The following CGGBP1 variants were observed in gnomAD, a reference collection of about 807,000 sequenced individuals.
CGGBP1 encodes CGG triplet repeat binding protein 1.
Under a neutral mutation model 11.4 loss-of-function variants are expected in CGGBP1, and 4 were observed. That is an observed-to-expected ratio of 0.35 (90% confidence interval 0.17 to 0.80). The LOEUF (loss-of-function observed/expected upper bound fraction) is 0.80. Ranked by LOEUF, CGGBP1 falls within the 30% of genes least tolerant of loss-of-function variation. The probability of loss-of-function intolerance (pLI) is 0.52; values close to 1 mark genes in which losing one functional copy is unlikely to be tolerated. For synonymous variants in CGGBP1, 76 were observed against 74.1 expected (o/e 1.03, Z -0.13); for missense variants, 135 against 202.1 (o/e 0.67, Z 2.01).
At chr3:88,114,195 T>A (rs1351985848) in intron 2 of CGGBP1, among the ~76,000 whole-genome samples, 1 of 151,982 alleles carries the variant, frequency 6.6e-6, no homozygotes, top group African/African-American at 2.4e-5. Context: ...AAATGAAAAA[T>A]TGACAGATTC....
At chr3:88,128,945 A>C in intron 2 of CGGBP1, 1 of 1,535,516 alleles carries the variant, frequency 6.5e-7, no homozygotes, top group Non-Finnish European at 8.7e-7. Flanking sequence ...GTAAAGACTT[A>C]TACTTCCATC....
chr3:88,063,355 T>G (rs1275287011), upstream of CGGBP1, among the ~76,000 whole-genome samples: 7 of 152,160 alleles, frequency 4.6e-5, no homozygotes, highest in Non-Finnish European at 1.0e-4. Context: ...TCAAATAGTT[T>G]TTAAGTAACG....
At chr3:88,124,400 C>T (rs890513825) in intron 2 of CGGBP1, among the ~76,000 whole-genome samples, 1 of 152,186 alleles carries the variant, frequency 6.6e-6, no homozygotes, top group Admixed American at 6.5e-5. Context: ...TAATGTTTGA[C>T]TATAAGTGAT....
intron 2 of CGGBP1, among the ~76,000 whole-genome samples, chr3:88,138,389 A>G (rs1177946018): frequency 3.3e-5 from 5 of 152,140 alleles, no homozygotes; most frequent in African/African-American, 7.2e-5. Flanking sequence ...GGGGGTCTAG[A>G]AGAAATCTTA....
At chr3:88,089,755 A>G (rs1436054699) in intron 2 of CGGBP1, among the ~76,000 whole-genome samples, 2 of 152,098 alleles carry the variant, frequency 1.3e-5, no homozygotes, top group Non-Finnish European at 2.9e-5. Context: ...CTTGAGAAGA[A>G]CTCTGGTCAG....
At chr3:88,061,095 C>T (rs1298490932), upstream of CGGBP1, among the ~76,000 whole-genome samples, 1 of 152,074 alleles carries the variant, frequency 6.6e-6, no homozygotes, top group Non-Finnish European at 1.5e-5. Context: ...TTTCAGAGCA[C>T]TTGTTTTGTA....
At chr3:88,080,418 T>C (rs1349431917) in intron 2 of CGGBP1, among the ~76,000 whole-genome samples, 1 of 152,168 alleles carries the variant, frequency 6.6e-6, no homozygotes, top group African/African-American at 2.4e-5. Context: ...TAGCTCTTGT[T>C]TGTTACATGC....
At chr3:88,136,901 A>G (rs1200737643) in intron 2 of CGGBP1, among the ~76,000 whole-genome samples, 1 of 152,228 alleles carries the variant, frequency 6.6e-6, no homozygotes, top group Non-Finnish European at 1.5e-5. Context: ...ATGAGCCAAG[A>G]TAGAGGATGT....
intron 2 of CGGBP1, among the ~76,000 whole-genome samples, chr3:88,077,255 T>TA (rs146382150): frequency 0.013 from 2,015 of 152,226 alleles, 37 homozygotes; most frequent in African/African-American, 0.045. Context: ...CTCACCAATA[T>TA]AGGCAGTGTG....
intron 2 of CGGBP1, among the ~76,000 whole-genome samples, chr3:88,069,926 T>C (rs975392182): frequency 5.3e-5 from 8 of 152,260 alleles, no homozygotes; most frequent in African/African-American, 1.9e-4. Context: ...TAACCTTGAA[T>C]ATCTGGAAAT....
intron 2 of CGGBP1, chr3:88,129,611 A>G: frequency 8.8e-7 from 1 of 1,130,326 alleles, no homozygotes; most frequent in Non-Finnish European, 1.2e-6. Flanking sequence ...TTTCTCTTGA[A>G]TGTTTAAACA....
At chr3:88,099,209 C>G (rs1184663922) in intron 2 of CGGBP1, among the ~76,000 whole-genome samples, 1 of 152,170 alleles carries the variant, frequency 6.6e-6, no homozygotes, top group African/African-American at 2.4e-5. Flanking sequence ...AGAGCCAAAT[C>G]ATGAGTGAAC....
chr3:88,072,042 T>C (rs933468465), intron 2 of CGGBP1, among the ~76,000 whole-genome samples: 2 of 152,280 alleles, frequency 1.3e-5, no homozygotes, highest in Middle Eastern at 6.8e-3. Flanking sequence ...AATCTACATA[T>C]ATAAAGTACA....
At chr3:88,139,164 T>C (rs1706972113) in intron 2 of CGGBP1, 2 of 1,347,766 alleles carry the variant, frequency 1.5e-6, no homozygotes, top group African/African-American at 1.5e-5. Context: ...GGATGAAGGG[T>C]TTGACTCTCT....
chr3:88,062,036 T>C (rs1018404949), upstream of CGGBP1, among the ~76,000 whole-genome samples: 2 of 152,168 alleles, frequency 1.3e-5, no homozygotes, highest in Non-Finnish European at 2.9e-5. Context: ...GGGGTTTTTG[T>C]GTCTTTTACC....
chr3:88,090,358 GT>G (rs1186878114), intron 2 of CGGBP1, among the ~76,000 whole-genome samples: 1 of 151,914 alleles, frequency 6.6e-6, no homozygotes, highest in African/African-American at 2.4e-5. Context: ...ATGTGACTTA[GT>G]TTTTAACAAC....
At position 88,055,933 on chromosome 3, in the gene CGGBP1, G is replaced by C. The variant is rs1706531324; in HGVS notation, c.44C>G (p.Ser15Cys). ...GGGAGTCACATACAAAGCAGTCTTA[G>C]AACGGTTTCGAGCAGGTGGTGCTGT... ...VVTAPPARNR[S>C]KTALYVTPLD... Residue 15 changes from serine to cysteine, a missense_variant, in exon 4 of 4, where the codon TCT (serine) becomes TGT (cysteine). Ser to Cys is a moderately radical substitution (Grantham distance 112, BLOSUM62 -1). Transcript: ENST00000482016. This position sits in a 1 kb window ranked among gnomAD's most constrained non-coding sequence, Gnocchi z 4.2. The C allele has an allele frequency of 3.1e-6, 5 of 1,613,940 alleles. No individual in the cohort carries two copies. The highest frequency in any genetic ancestry group is 1.3e-5 in the African/African-American group (1 of 74,930).
At chr3:88,074,684 C>T (rs540330379) in intron 2 of CGGBP1, among the ~76,000 whole-genome samples, 98 of 152,166 alleles carry the variant, frequency 6.4e-4, no homozygotes, top group Non-Finnish European at 1.1e-3. Flanking sequence ...GTAGGGCAAA[C>T]GTTTATTACT....
intron 2 of CGGBP1, among the ~76,000 whole-genome samples, chr3:88,110,707 A>G (rs898423518): frequency 2.0e-5 from 3 of 152,090 alleles, no homozygotes; most frequent in African/African-American, 7.2e-5. Flanking sequence ...ATACAAGTTG[A>G]TCTGTAAACA....
Sources: gnomAD v4.1 joint callset for allele counts (sites outside exome capture counted in the v4.1 genomes callset) on GRCh38, gnomAD v4.1.1 for gene constraint, Gnocchi (gnomAD v3.1) non-coding constraint, MANE v1.5 for transcripts, NCBI Gene and HGNC (gene_info 2026-07-23, HGNC 2026-07-21) for gene names.